CNTLN: variants seen among roughly 807,000 people sequenced by gnomAD.
CNTLN encodes centlein, centrosomal protein.
In CNTLN, 212 loss-of-function variants were observed where a neutral mutation model predicts 180.0. The observed-to-expected ratio is 1.18, with a 90% CI of 1.05 to 1.32. The LOEUF (loss-of-function observed/expected upper bound fraction) is 1.32. Among genes scored for constraint, CNTLN ranks in the 40% most tolerant of loss-of-function variants. The probability of loss-of-function intolerance (pLI) is 0.00; values close to 1 mark genes in which losing one functional copy is unlikely to be tolerated. For missense variants in CNTLN, 2,095 were observed against 1,610.9 expected, an observed-to-expected ratio of 1.30 and a Z score of -5.14; for synonymous variants, 722 against 563.1, an observed-to-expected ratio of 1.28 and a Z score of -3.99.
intron 6 of CNTLN, among the ~76,000 whole-genome samples, chr9:17,297,593 G>A (rs919447862): frequency 6.6e-6 from 1 of 151,950 alleles, no homozygotes; most frequent in Non-Finnish European, 1.5e-5. Context: ...TTTCATCCTG[G>A]GTAGGTTCGA....
intron 6 of CNTLN, among the ~76,000 whole-genome samples, chr9:17,287,204 T>G (rs1829040521): frequency 6.6e-6 from 1 of 151,084 alleles, no homozygotes; most frequent in Non-Finnish European, 1.5e-5. Flanking sequence ...TTATTGAGAG[T>G]TTTTAGCATG....
In CNTLN at chr9:17,235,730, T is replaced by A. The variant is rs771206364; in HGVS notation, c.607T>A (p.Phe203Ile). The A allele has an allele frequency of 6.2e-7, 1 of 1,608,264 alleles. No homozygotes were observed. The highest frequency in any genetic ancestry group is 8.5e-7 in the Non-Finnish European group (1 of 1,177,270). The change falls in exon 4 of 26, where the codon TTC becomes ATC. Residue 203 changes from phenylalanine to isoleucine, a missense_variant. By Grantham distance (21) the Phe-to-Ile change is conservative (BLOSUM62 0). Transcript: ENST00000380647. Reference protein sequence around the residue: ...RKIAVDEENAFLRKEFSDLEK... With the variant: ...RKIAVDEENAILRKEFSDLEK... ...AATTGCAGTAGATGAAGAAAATGCTTTCTTAAGGAAAGAATTCAGTGACTT... is the reference window on the plus strand; with the variant it reads ...AATTGCAGTAGATGAAGAAAATGCTATCTTAAGGAAAGAATTCAGTGACTT...
At chr9:17,325,827 T>C (rs1587663410) in intron 8 of CNTLN, among the ~76,000 whole-genome samples, 1 of 151,892 alleles carries the variant, frequency 6.6e-6, no homozygotes, top group Non-Finnish European at 1.5e-5. Context: ...TGCAATGTAG[T>C]AGGAAAAAAT....
chr9:17,501,626 G>T (rs372607360), intron 25 of CNTLN, among the ~76,000 whole-genome samples: 34 of 152,348 alleles, frequency 2.2e-4, no homozygotes, highest in African/African-American at 7.0e-4. Flanking sequence ...TGATGCTACT[G>T]CCCTGCAGGG....
chr9:17,340,113 C>G (rs1366748557), intron 10 of CNTLN, among the ~76,000 whole-genome samples: 6 of 152,020 alleles, frequency 3.9e-5, no homozygotes, highest in Non-Finnish European at 7.4e-5. Context: ...GCTTTGAACT[C>G]CAGCCTGGGC....
At position 17,413,757 on chromosome 9, in the gene CNTLN, T is replaced by C. The variant is rs191943149; in HGVS notation, c.2797-2031T>C. ...ACAGGGAAACTGGATCTCTCATATA[T>C]TGTTCATGTGAATATAAAATTCTAT... On this transcript the variant is annotated intron_variant, in intron 16 of 25. Transcript: ENST00000380647. Among the ~76,000 whole-genome samples the C allele has an allele frequency of 2.8e-4, 42 of 152,320 alleles. No homozygotes were observed. The East Asian group carries it at 3.7e-3, about 13-fold the overall frequency.
At chr9:17,420,435 T>C (rs1340242748) in intron 18 of CNTLN, among the ~76,000 whole-genome samples, 1 of 152,218 alleles carries the variant, frequency 6.6e-6, no homozygotes, top group Non-Finnish European at 1.5e-5. Flanking sequence ...TCTGATATTA[T>C]TTGTCTTCTC....
intron 8 of CNTLN, among the ~76,000 whole-genome samples, chr9:17,313,754 T>C (rs983890026): frequency 3.9e-5 from 6 of 152,210 alleles, no homozygotes; most frequent in Non-Finnish European, 8.8e-5. Flanking sequence ...ATTTCCCTTA[T>C]GTTAGATTTT....
chr9:17,449,506 A>C (rs2134104301), intron 18 of CNTLN, among the ~76,000 whole-genome samples: 1 of 152,262 alleles, frequency 6.6e-6, no homozygotes, highest in East Asian at 1.9e-4. Flanking sequence ...AATAAAAGAA[A>C]AAAAAAAAGA....
At chr9:17,420,143 A>G (rs957472793) in intron 18 of CNTLN, among the ~76,000 whole-genome samples, 1 of 152,008 alleles carries the variant, frequency 6.6e-6, no homozygotes, top group Non-Finnish European at 1.5e-5. Flanking sequence ...TTGAACTCCT[A>G]ACCTCACATG....
intron 5 of CNTLN, among the ~76,000 whole-genome samples, chr9:17,262,944 T>G (rs1354173933): frequency 6.6e-6 from 1 of 151,310 alleles, no homozygotes; most frequent in African/African-American, 2.5e-5. Flanking sequence ...ATCAAAAGCT[T>G]CTCTGTGTCT....
intron 8 of CNTLN, among the ~76,000 whole-genome samples, chr9:17,313,521 C>G (rs951131535): frequency 6.6e-6 from 1 of 151,994 alleles, no homozygotes; most frequent in African/African-American, 2.4e-5. Flanking sequence ...CGTAATGTGT[C>G]AGTTTTGTCC....
Position 17,445,348 on chromosome 9 carries a change from T to TA in CNTLN, c.3115-12174dup, listed in dbSNP as rs1830343029. Among the ~76,000 whole-genome samples the TA allele has an allele frequency of 2.6e-5, 4 of 152,080 alleles. No individual in the cohort carries two copies. In the South Asian group the frequency reaches 8.3e-4, roughly 32 times the overall value. On this transcript the variant is annotated intron_variant, in intron 18 of 25. Transcript: ENST00000380647. ...GTACAACCAACGAGAGACATACAGT[T>TA]AACTATTGACCCTGTGGGGAAAAGC...
At chr9:17,488,674 C>A (rs1168377972) in intron 25 of CNTLN, among the ~76,000 whole-genome samples, 1 of 152,058 alleles carries the variant, frequency 6.6e-6, no homozygotes, top group Non-Finnish European at 1.5e-5. Context: ...TATGCTTATT[C>A]TGTCCAGTGA....
At chr9:17,343,158 A>G (rs1263015974) in intron 12 of CNTLN, among the ~76,000 whole-genome samples, 1 of 152,240 alleles carries the variant, frequency 6.6e-6, no homozygotes, top group Non-Finnish European at 1.5e-5. Context: ...TGGTCGCTTG[A>G]TCTTATAATT....
At chr9:17,427,364 GT>G (rs1829155810) in intron 18 of CNTLN, among the ~76,000 whole-genome samples, 2 of 151,588 alleles carry the variant, frequency 1.3e-5, no homozygotes, top group South Asian at 4.2e-4. Context: ...GATACAGAGG[GT>G]TTTCAGGTTA....
intron 8 of CNTLN, among the ~76,000 whole-genome samples, chr9:17,319,208 G>A (rs1243191517): frequency 9.2e-5 from 14 of 152,198 alleles, no homozygotes; most frequent in Non-Finnish European, 2.1e-4. Context: ...AAAGTTTGTG[G>A]TGTATCCTAG....
chr9:17,313,407 A>G (rs1314709326), intron 8 of CNTLN, among the ~76,000 whole-genome samples: 1 of 147,046 alleles, frequency 6.8e-6, no homozygotes, highest in African/African-American at 2.5e-5. Flanking sequence ...CTTTTGGATT[A>G]ATTAACTGGC....
intron 25 of CNTLN, among the ~76,000 whole-genome samples, chr9:17,488,545 A>G (rs1360583832): frequency 6.6e-6 from 1 of 152,174 alleles, no homozygotes; most frequent in Non-Finnish European, 1.5e-5. Flanking sequence ...CTATAAAAAT[A>G]ATAAATCTGT....
Sources: allele counts gnomAD v4.1 joint callset (sites outside exome capture counted in the v4.1 genomes callset), GRCh38; gene constraint gnomAD v4.1.1; transcripts MANE v1.5; gene names NCBI Gene and HGNC (gene_info 2026-07-23, HGNC 2026-07-21).